ZNF761: variants seen among roughly 807,000 people sequenced by gnomAD.
ZNF761 encodes zinc finger protein 761.
Under a neutral mutation model 59.9 loss-of-function variants are expected in ZNF761, and 43 were observed. The observed-to-expected ratio is 0.72, with a 90% CI of 0.56 to 0.92. ZNF761 has a LOEUF of 0.92. Ranked by LOEUF, ZNF761 falls within the 40% of genes least tolerant of loss-of-function variation. The pLI is 0.00. For missense variants in ZNF761, 850 were observed against 906.1 expected, an observed-to-expected ratio of 0.94 and a Z score of 0.79; for synonymous variants, 294 against 304.8, an observed-to-expected ratio of 0.96 and a Z score of 0.37.
In ZNF761 at chr19:53,456,542, T is replaced by C. The variant is rs1303441529; in HGVS notation, c.2035T>C (p.Cys679Arg). The change falls in exon 5 of 5, where the codon TGC becomes CGC. Residue 679 changes from cysteine (C) to arginine (R), a missense_variant. Transcript: ENST00000684525. ...CTTTAGTCGGAAGTCATATTTTATA[T>C]GCCATCATAGACTTCATACTGGAGA... ...KTFSRKSYFI[C>R]HHRLHTGEKP... 7 of 1,611,686 alleles carry C rather than the reference T, an allele frequency of 4.3e-6. No homozygotes were observed. Among genetic ancestry groups the C allele is most frequent in the Non-Finnish European group, 5.9e-6 (7 of 1,178,668 alleles).
chr19:53,434,515 C>T (rs149922067), intron 1 of ZNF761, among the ~76,000 whole-genome samples: 103 of 152,248 alleles, frequency 6.8e-4, no homozygotes, highest in African/African-American at 2.3e-3. Context: ...AGAAGAGAAA[C>T]AGGAGAATGG....
intron 1 of ZNF761, among the ~76,000 whole-genome samples, chr19:53,432,549 C>T (rs1053047954): frequency 1.3e-5 from 2 of 152,138 alleles, no homozygotes; most frequent in African/African-American, 4.8e-5. Flanking sequence ...GGGGAGGTGC[C>T]CGGGGCCTGT....
At chr19:53,446,545 G>C (rs1344744449) in intron 2 of ZNF761, among the ~76,000 whole-genome samples, 1 of 152,018 alleles carries the variant, frequency 6.6e-6, no homozygotes, top group African/African-American at 2.4e-5. Flanking sequence ...GTTACTTTTT[G>C]TATTTTTAGT....
Position 53,456,756 on chromosome 19 carries a change from G to A in ZNF761, c.*8G>A. The A allele has an allele frequency of 6.2e-7, 1 of 1,612,858 alleles. No individual in the cohort carries two copies. The highest frequency in any genetic ancestry group is 8.5e-7 in the Non-Finnish European group (1 of 1,179,186). On this transcript the variant is annotated 3_prime_UTR_variant, in exon 5 of 5. Coordinates refer to ENST00000684525, the MANE Select transcript of ZNF761 (RefSeq NM_001289951.2). ...GGAGAAAAACAAGTGTAATGAATGT[G>A]GTGAGGTTTTTAATCAACAAGCACA...
intron 4 of ZNF761, among the ~76,000 whole-genome samples, chr19:53,452,248 TGA>T (rs2086228311): frequency 6.6e-6 from 1 of 152,116 alleles, no homozygotes; most frequent in Admixed American, 6.5e-5. Flanking sequence ...TTTGGGAGGC[TGA>T]GAGGGGCAGA....
At chr19:53,447,795 G>A (rs1206617157) in intron 3 of ZNF761, among the ~76,000 whole-genome samples, 1 of 152,100 alleles carries the variant, frequency 6.6e-6, no homozygotes, top group Non-Finnish European at 1.5e-5. Context: ...TAATTAGAAT[G>A]GAAAGTTCAT....
chr19:53,435,176 G>A (rs951404112), intron 1 of ZNF761, among the ~76,000 whole-genome samples: 1 of 151,116 alleles, frequency 6.6e-6, no homozygotes, highest in Non-Finnish European at 1.5e-5. Context: ...GACCTTGCAC[G>A]AATTTAAACT....
chr19:53,455,540 C>A lies in ZNF761; in HGVS notation c.1033C>A (p.His345Asn), dbSNP rs1470002037. The A allele has an allele frequency of 6.2e-7, 1 of 1,612,966 alleles. No homozygotes were observed. Among genetic ancestry groups the A allele is most frequent in the Middle Eastern group, 1.7e-4 (1 of 6,052 alleles). ...GCAGAAGTCAATCCTTACACGCCATCATCGACTTCATACTGGAGAGAAACC... is the reference window on the plus strand; with the variant it reads ...GCAGAAGTCAATCCTTACACGCCATAATCGACTTCATACTGGAGAGAAACC... ...FRQKSILTRH[H>N]RLHTGEKPYK... The change falls in exon 5 of 5, where the codon CAT (histidine) becomes AAT (asparagine). Residue 345 changes from histidine (H) to asparagine (N), a missense_variant. Transcript: ENST00000684525.
chr19:53,432,198 G>T (rs1228104353), intron 1 of ZNF761, among the ~76,000 whole-genome samples, 170 bp downstream of exon 1: 1 of 152,222 alleles, frequency 6.6e-6, no homozygotes, highest in African/African-American at 2.4e-5. Flanking sequence ...TTGGGTTTAA[G>T]GTCCCCCTGA....
chr19:53,457,102 G>A lies in ZNF761; in HGVS notation c.*354G>A. On this transcript the variant is annotated 3_prime_UTR_variant, in exon 5 of 5. Transcript: ENST00000684525. Reference sequence around the variant, plus strand: ...TGTAATGAGTGTGGCAAAGCCTTTAGTAGGCAGTCAACACTTGTTTACCGT... The same window carrying A: ...TGTAATGAGTGTGGCAAAGCCTTTAATAGGCAGTCAACACTTGTTTACCGT... 1 of 588,492 alleles carries A rather than the reference G, an allele frequency of 1.7e-6. No homozygotes were observed. Among genetic ancestry groups the A allele is most frequent in the Non-Finnish European group, 3.1e-6 (1 of 327,312 alleles). 36.5% of individuals were successfully genotyped at this position (588,492 alleles called of 1,614,324 possible).
At chr19:53,452,665 A>C (rs543196017) in intron 4 of ZNF761, among the ~76,000 whole-genome samples, 13 of 152,312 alleles carry the variant, frequency 8.5e-5, no homozygotes, top group Admixed American at 3.3e-4. Context: ...GTGCCAGCCA[A>C]ATTGGTTCCT....
chr19:53,443,014 A>G (rs2147128941), intron 1 of ZNF761: 1 of 285,262 alleles, frequency 3.5e-6, no homozygotes, highest in South Asian at 3.1e-5. Flanking sequence ...ATTTTTAAAA[A>G]AACAATTTCT....
chr19:53,454,701 A>G lies in ZNF761; in HGVS notation c.194A>G (p.Asn65Ser), dbSNP rs202218689. 2.3e-4 allele frequency: 371 copies of G among 1,613,176 alleles called. 1 individual carries two copies. Among genetic ancestry groups the G allele is most frequent in the Middle Eastern group, 1.8e-3 (11 of 6,056 alleles). ...MKEFLSTAQG[N>S]REVFHAGTLQ... is the part of the protein sequence containing the mutation. The stretch of plus-strand genomic sequence containing the variant: ...GAGTTCTTGTCAACAGCGCAAGGCA[A>G]CAGAGAAGTGTTCCATGCAGGGACA... Residue 65 changes from asparagine (N) to serine (S), a missense_variant, in exon 5 of 5, where the codon AAC becomes AGC. Transcript: ENST00000684525.
intron 4 of ZNF761, among the ~76,000 whole-genome samples, chr19:53,454,214 C>G (rs913775691): frequency 1.3e-5 from 2 of 152,156 alleles, no homozygotes; most frequent in Non-Finnish European, 2.9e-5. Flanking sequence ...TTTGGTTATC[C>G]TTACATGAGC....
At chr19:53,450,066 A>G in intron 4 of ZNF761, 1 of 366,430 alleles carries the variant, frequency 2.7e-6, no homozygotes, top group Non-Finnish European at 4.9e-6. Flanking sequence ...GCACTTTGGG[A>G]GGCCAAGGTG....
chr19:53,447,932 T>G (rs1213315789), intron 3 of ZNF761, among the ~76,000 whole-genome samples: 1 of 152,208 alleles, frequency 6.6e-6, no homozygotes, highest in Non-Finnish European at 1.5e-5. Context: ...GACTGTGGTG[T>G]TACCGTGGAG....
chr19:53,455,605 G>A lies in ZNF761; in HGVS notation c.1098G>A (p.Lys366=). ...CNECGKTFSH[K]SSLTCHHRLH... Reference sequence around the variant, plus strand: ...AGTGTGGCAAGACCTTTAGTCACAAGTCATCCCTTACATGCCATCATAGAC... The same window carrying A: ...AGTGTGGCAAGACCTTTAGTCACAAATCATCCCTTACATGCCATCATAGAC... Residue 366 remains lysine, a synonymous_variant, in exon 5 of 5, where the codon AAG becomes AAA. Transcript: ENST00000684525. 1 of 1,613,600 alleles carries A rather than the reference G, an allele frequency of 6.2e-7. No homozygotes were observed. Among genetic ancestry groups the A allele is most frequent in the Non-Finnish European group, 8.5e-7 (1 of 1,179,920 alleles).
At chr19:53,437,657 T>A (rs1293551588) in intron 1 of ZNF761, among the ~76,000 whole-genome samples, 1 of 152,184 alleles carries the variant, frequency 6.6e-6, no homozygotes, top group East Asian at 1.9e-4. Context: ...CATCCTTGCC[T>A]TTTGGTGGCC....
chr19:53,442,391 G>T lies in ZNF761; in HGVS notation c.-184-3836G>T. 4 of 1,005,262 alleles carry T rather than the reference G, an allele frequency of 4.0e-6. No homozygotes were observed. In the Admixed American group the frequency reaches 5.1e-5, roughly 13 times the overall value. The allele number at this position is 1,005,262 out of a possible 1,614,324, so 62.3% of individuals were successfully genotyped here. On this transcript the variant is annotated intron_variant, in intron 1 of 4. Coordinates refer to ENST00000684525, the MANE Select transcript of ZNF761 (RefSeq NM_001289951.2). ...AGTGTCTGAGTGCAGCTGAAGAAAA[G>T]TACTCTCAAAAAGAAGACAAATGTG...
Sources: allele counts gnomAD v4.1 joint callset (sites outside exome capture counted in the v4.1 genomes callset), GRCh38; gene constraint gnomAD v4.1.1; transcripts MANE v1.5; gene names NCBI Gene and HGNC (gene_info 2026-07-23, HGNC 2026-07-21).